Variants in CGNL1 observed in about 807,000 individuals in gnomAD.
CGNL1 encodes cingulin-like protein 1.
CGNL1 carries 132 observed loss-of-function variants against 141.2 expected under a neutral mutation model. The observed-to-expected ratio is 0.93, with a 90% CI of 0.81 to 1.08. The LOEUF is 1.08. Among genes scored for constraint, CGNL1 ranks in the 50% least tolerant of loss-of-function variants. The pLI is 0.00. For missense variants in CGNL1, 1,870 were observed against 1,588.6 expected (o/e 1.18, Z -3.01); for synonymous variants, 690 against 622.1 (o/e 1.11, Z -1.63).
At position 57,430,279 on chromosome 15, in the gene CGNL1, C is replaced by T. The variant is rs565548562; in HGVS notation, c.-15-7706C>T. On this transcript the variant is annotated intron_variant, in intron 1 of 18. Transcript: ENST00000281282. ...AGAAATATTTCCTGCTTCTGCATCT[C>T]GGAGTCAGGTGCCATTACTTGTCTT... is the stretch of plus-strand genomic sequence containing the variant. Among the ~76,000 whole-genome samples the T allele has an allele frequency of 1.4e-4, 22 of 152,284 alleles. No homozygotes were observed. In the East Asian group the frequency reaches 2.5e-3, roughly 17 times the overall value.
At chr15:57,431,736 T>TG (rs1200546633) in intron 1 of CGNL1, among the ~76,000 whole-genome samples, 1 of 151,972 alleles carries the variant, frequency 6.6e-6, no homozygotes, top group Admixed American at 6.6e-5. Flanking sequence ...TTTTGTAATT[T>TG]TTTTTTTAAA....
chr15:57,424,260 T>G (rs1453104551), intron 1 of CGNL1, among the ~76,000 whole-genome samples: 1 of 152,190 alleles, frequency 6.6e-6, no homozygotes, highest in Non-Finnish European at 1.5e-5. Flanking sequence ...TTAGATCTCA[T>G]CTTCTCTTTC....
At chr15:57,530,556 A>T (rs1424214656) in intron 13 of CGNL1, among the ~76,000 whole-genome samples, 1 of 152,172 alleles carries the variant, frequency 6.6e-6, no homozygotes, top group African/African-American at 2.4e-5. Flanking sequence ...ATGTAAATGC[A>T]GCTCTTGTGG....
intron 14 of CGNL1, 115 bp downstream of exon 14, chr15:57,531,894 A>G: frequency 1.5e-6 from 1 of 671,200 alleles, no homozygotes; most frequent in Non-Finnish European, 2.7e-6. Context: ...CCATCTAGAA[A>G]TTGATGGAAG....
intron 8 of CGNL1, among the ~76,000 whole-genome samples, chr15:57,472,857 G>T (rs978265883): frequency 1.3e-5 from 2 of 152,206 alleles, no homozygotes; most frequent in Non-Finnish European, 2.9e-5. Context: ...GTTTTTATTT[G>T]TTTCTTGCCT....
intron 1 of CGNL1, among the ~76,000 whole-genome samples, chr15:57,379,683 G>A (rs1203183896): frequency 6.6e-6 from 1 of 152,184 alleles, no homozygotes; most frequent in Non-Finnish European, 1.5e-5. Context: ...TGGCATCAGA[G>A]CAGGAAAACA....
intron 1 of CGNL1, among the ~76,000 whole-genome samples, chr15:57,434,555 C>T (rs1247846946): frequency 6.6e-6 from 1 of 152,070 alleles, no homozygotes; most frequent in Non-Finnish European, 1.5e-5. Flanking sequence ...CCACTTTCCC[C>T]AATTTTATAA....
At chr15:57,400,858 AG>A (rs1407910662) in intron 1 of CGNL1, among the ~76,000 whole-genome samples, 113 of 142,726 alleles carry the variant, frequency 7.9e-4, no homozygotes, top group African/African-American at 2.9e-3. Context: ...ACTCCAGCCT[AG>A]GCGACAGAAT....
intron 1 of CGNL1, among the ~76,000 whole-genome samples, chr15:57,420,260 T>A (rs2062898696): frequency 6.6e-6 from 1 of 152,218 alleles, no homozygotes; most frequent in South Asian, 2.1e-4. Flanking sequence ...TGCTAGGTAC[T>A]CATTGATACT....
intron 1 of CGNL1, among the ~76,000 whole-genome samples, chr15:57,395,114 TAAAC>T (rs746900109): frequency 9.9e-5 from 15 of 152,116 alleles, no homozygotes; most frequent in African/African-American, 2.9e-4. Context: ...CCGTCTCAAA[TAAAC>T]AAACAAACAA....
chr15:57,450,467 G>T (rs1484857892), intron 4 of CGNL1, among the ~76,000 whole-genome samples: 6 of 152,144 alleles, frequency 3.9e-5, no homozygotes, highest in Non-Finnish European at 4.4e-5. Context: ...AGCAGAGATG[G>T]GGTTTCACCA....
intron 4 of CGNL1, among the ~76,000 whole-genome samples, chr15:57,449,431 A>G (rs1258938668): frequency 6.6e-6 from 1 of 152,152 alleles, no homozygotes; most frequent in Non-Finnish European, 1.5e-5. Context: ...TTAGGTTCTC[A>G]GTGAAATTGA....
intron 1 of CGNL1, among the ~76,000 whole-genome samples, chr15:57,419,136 T>A (rs2062885085): frequency 6.6e-6 from 1 of 152,156 alleles, no homozygotes. Flanking sequence ...TTCACCATGT[T>A]GGTCAGGCTG....
At chr15:57,396,896 T>C (rs2062609073) in intron 1 of CGNL1, 1 of 152,172 alleles carries the variant, frequency 6.6e-6, no homozygotes, top group African/African-American at 2.4e-5. Context: ...TATGTAATAA[T>C]GAATATAACT....
chr15:57,432,272 C>G (rs548684147), intron 1 of CGNL1, among the ~76,000 whole-genome samples: 12 of 152,184 alleles, frequency 7.9e-5, no homozygotes, highest in African/African-American at 2.2e-4. Flanking sequence ...CATGCAGGTC[C>G]TGGAGGTGCC....
intron 8 of CGNL1, among the ~76,000 whole-genome samples, chr15:57,468,139 G>A (rs960443243): frequency 6.6e-6 from 1 of 152,080 alleles, no homozygotes; most frequent in African/African-American, 2.4e-5. Flanking sequence ...TGGGTAATGG[G>A]TAGGTGAGAG....
intron 1 of CGNL1, among the ~76,000 whole-genome samples, chr15:57,385,120 C>G (rs1358833427): frequency 6.6e-6 from 1 of 152,206 alleles, no homozygotes; most frequent in South Asian, 2.1e-4. Flanking sequence ...CGGGGCTGCT[C>G]TTGTCATCAG....
At chr15:57,526,344 G>A (rs1451954473) in intron 12 of CGNL1, among the ~76,000 whole-genome samples, 2 of 151,972 alleles carry the variant, frequency 1.3e-5, no homozygotes, top group Non-Finnish European at 2.9e-5. Flanking sequence ...GACTAAGTTG[G>A]TAGAGTGATG....
chr15:57,428,909 G>C (rs966056441), intron 1 of CGNL1, among the ~76,000 whole-genome samples: 2 of 152,044 alleles, frequency 1.3e-5, no homozygotes, highest in African/African-American at 2.4e-5. Context: ...TGTAATCCCA[G>C]CTACTCCGGA....
Sources: allele counts gnomAD v4.1 joint callset (sites outside exome capture counted in the v4.1 genomes callset), GRCh38; gene constraint gnomAD v4.1.1; transcripts MANE v1.5; gene names NCBI Gene and HGNC (gene_info 2026-07-23, HGNC 2026-07-21).